The following RAI2 variants were observed in gnomAD, a reference collection of about 807,000 sequenced individuals.
RAI2 encodes the protein retinoic acid induced 2, also known as retinoic acid-induced protein 2.
A neutral mutation model predicts 15.3 loss-of-function variants in RAI2; 5 were observed. The observed-to-expected ratio is 0.33, with a 90% confidence interval of 0.17 to 0.69. The LOEUF is 0.69. Among genes scored for constraint, RAI2 ranks in the 30% least tolerant of loss-of-function variants. The pLI, the probability that RAI2 is intolerant of heterozygous loss-of-function variation, is 0.69. For missense variants in RAI2, 424 were observed against 424.7 expected (o/e 1.00, Z 0.01); for synonymous variants, 191 against 184.0 (o/e 1.04, Z -0.31).
At chrX:17,827,241 CTG>C (rs1386298071) in intron 1 of RAI2, among the ~76,000 whole-genome samples, 1 of 111,648 alleles carries the variant, frequency 9.0e-6, no homozygotes, top group African/African-American at 3.3e-5. Flanking sequence ...GGAGTAAACT[CTG>C]TGATCCCCTT....
intron 1 of RAI2, chrX:17,860,697 G>C (rs2067677052): frequency 1.8e-5 from 2 of 111,768 alleles, no homozygotes; most frequent in African/African-American, 3.2e-5. Context: ...GAGACTGCCC[G>C]GTGCGGTGCC....
intron 1 of RAI2, among the ~76,000 whole-genome samples, chrX:17,860,332 A>T (rs1420779459): frequency 5.3e-5 from 6 of 112,651 alleles, no homozygotes; most frequent in Non-Finnish European, 9.4e-5. Flanking sequence ...CGAAAAAGCC[A>T]CCGCGGAGAG....
chrX:17,815,034 G>A (rs764503346), intron 1 of RAI2, among the ~76,000 whole-genome samples: 5 of 110,419 alleles, frequency 4.5e-5, no homozygotes, highest in Non-Finnish European at 9.5e-5. Context: ...AGACAGGGAA[G>A]CTTCTTTCTG....
intron 1 of RAI2, among the ~76,000 whole-genome samples, chrX:17,806,056 GT>G (rs2066977071): frequency 8.9e-6 from 1 of 112,270 alleles, no homozygotes; most frequent in African/African-American, 3.2e-5. Flanking sequence ...CATAGTGGGT[GT>G]TGCTGCTGCA....
intron 1 of RAI2, among the ~76,000 whole-genome samples, chrX:17,851,164 AAGGGC>A (rs2067528942): frequency 8.9e-6 from 1 of 112,412 alleles, no homozygotes; most frequent in South Asian, 3.7e-4. Flanking sequence ...TCGAACATGG[AAGGGC>A]AGGGCAGAAT....
chrX:17,849,875 G>A (rs886988513), intron 1 of RAI2, among the ~76,000 whole-genome samples: 2 of 112,567 alleles, frequency 1.8e-5, no homozygotes, highest in African/African-American at 3.2e-5. Context: ...TTTGTGAAAG[G>A]CTTCCTTTTC....
chrX:17,825,365 G>T (rs371032140), intron 1 of RAI2, among the ~76,000 whole-genome samples: 1 of 112,802 alleles, frequency 8.9e-6, no homozygotes, highest in Non-Finnish European at 1.9e-5. Flanking sequence ...CCATTCTTGG[G>T]CTTAAAAGTT....
intron 1 of RAI2, among the ~76,000 whole-genome samples, chrX:17,815,506 A>G (rs1228342117): frequency 9.0e-6 from 1 of 111,442 alleles, no homozygotes. Context: ...TTATTGTTGC[A>G]GCTGACCTGT....
intron 1 of RAI2, among the ~76,000 whole-genome samples, chrX:17,846,977 G>A (rs1392231627): frequency 9.0e-6 from 1 of 111,653 alleles, no homozygotes; most frequent in East Asian, 2.8e-4. Context: ...TTTTATAGAT[G>A]GGAGTTCCCC....
intron 1 of RAI2, among the ~76,000 whole-genome samples, chrX:17,839,612 A>C (rs2067374616): frequency 8.9e-6 from 1 of 112,623 alleles, no homozygotes. Context: ...TCTGCAGAAA[A>C]TAGGTCTCCA....
intron 1 of RAI2, among the ~76,000 whole-genome samples, chrX:17,819,651 G>A (rs2067143272): frequency 8.9e-6 from 1 of 112,781 alleles, no homozygotes; most frequent in Non-Finnish European, 1.9e-5. Flanking sequence ...AAAAAGCAAT[G>A]CACTGCTGCT....
chrX:17,836,963 T>C (rs2067342158), intron 1 of RAI2, among the ~76,000 whole-genome samples: 1 of 111,975 alleles, frequency 8.9e-6, no homozygotes, highest in Non-Finnish European at 1.9e-5. Flanking sequence ...TGGGGCTAAG[T>C]CCCACTGGGA....
rs758090049 is a variant in RAI2 at position 17,801,879 on chromosome X, G to C, written c.132C>G (p.Asp44Glu). The C allele has an allele frequency of 1.7e-6, 2 of 1,208,516 alleles. No individual in the cohort carries two copies. Among genetic ancestry groups the C allele is most frequent in the South Asian group, 3.5e-5 (2 of 56,601 alleles). ...TTEAWNINSTDLVKKALVTVP... is the reference protein window; with the variant it reads ...TTEAWNINSTELVKKALVTVP... ...CGGTCACCAGGGCCTTCTTTACCAG[G>C]TCAGTGGAGTTGATGTTCCAGGCCT... The change falls in exon 2 of 2, where the codon GAC becomes GAG. Residue 44 changes from aspartate to glutamate, a missense_variant. By Grantham distance (45) the Asp-to-Glu change is conservative. Coordinates refer to ENST00000451717, the MANE Select transcript of RAI2 (RefSeq NM_021785.6).
intron 1 of RAI2, among the ~76,000 whole-genome samples, chrX:17,859,420 TAA>T (rs748993796): frequency 5.4e-4 from 60 of 111,947 alleles, no homozygotes; most frequent in Non-Finnish European, 1.0e-3. Flanking sequence ...CTCTCTGTTC[TAA>T]AGAGAAGCTT....
At chrX:17,840,633 G>A (rs1460021255) in intron 1 of RAI2, among the ~76,000 whole-genome samples, 1 of 111,875 alleles carries the variant, frequency 8.9e-6, no homozygotes, top group African/African-American at 3.3e-5. Context: ...ACTGTCTAGG[G>A]TGGGGGCTCC....
Position 17,849,071 on chromosome X carries a change from C to A in RAI2, c.-25+12027G>T, listed in dbSNP as rs988031496. Reference sequence around the variant, plus strand: ...TGGGAAGGAAGCTTCTCCCTGCTGACTTGAGCCAGCGACCACTGCTCCCTG... The same window carrying A: ...TGGGAAGGAAGCTTCTCCCTGCTGAATTGAGCCAGCGACCACTGCTCCCTG... On this transcript the variant is annotated intron_variant, in intron 1 of 1. Transcript: ENST00000451717. 1.5e-4 allele frequency among the ~76,000 whole-genome samples: 17 copies of A among 112,564 alleles called. 1 individual carries two copies. Among genetic ancestry groups the A allele is most frequent in the Non-Finnish European group, 2.8e-4 (15 of 53,307 alleles).
chrX:17,854,642 G>A (rs888579107), intron 1 of RAI2, among the ~76,000 whole-genome samples: 2 of 112,054 alleles, frequency 1.8e-5, no homozygotes, highest in African/African-American at 3.2e-5. Context: ...CAATAAAAAC[G>A]CCCAAACACA....
chrX:17,801,021 A>G lies in RAI2; in HGVS notation c.990T>C (p.Gly330=), dbSNP rs2066901177. The G allele has an allele frequency of 8.3e-7, 1 of 1,209,328 alleles. No homozygotes were observed. Among genetic ancestry groups the G allele is most frequent in the Non-Finnish European group, 1.1e-6 (1 of 895,056 alleles). Residue 330 remains glycine, a synonymous_variant, in exon 2 of 2, where the codon GGT becomes GGC. Coordinates refer to ENST00000451717, the MANE Select transcript of RAI2 (RefSeq NM_021785.6). Reference sequence around the variant, plus strand: ...CCTGGAAGATTGGGGGACTGACTTCACCAGCCTTGAGCCAGGGCACTGACT... The same window carrying G: ...CCTGGAAGATTGGGGGACTGACTTCGCCAGCCTTGAGCCAGGGCACTGACT... The part of the protein sequence containing the change: ...SMKSVPWLKA[G]EVSPPIFQED...
intron 1 of RAI2, among the ~76,000 whole-genome samples, chrX:17,858,486 G>T (rs756925844): frequency 8.9e-6 from 1 of 112,047 alleles, no homozygotes; most frequent in East Asian, 2.8e-4. Context: ...CATAAATTTG[G>T]AGCACGCTGT....
Sources: gnomAD v4.1 joint callset for allele counts (sites outside exome capture counted in the v4.1 genomes callset) on GRCh38, gnomAD v4.1.1 for gene constraint, MANE v1.5 for transcripts, NCBI Gene and HGNC (gene_info 2026-07-23, HGNC 2026-07-21) for gene names.